Variants in SLC5A4 observed in about 807,000 individuals in gnomAD.
The protein encoded by SLC5A4 is probable glucose sensor protein SLC5A4.
SLC5A4 carries 55 observed loss-of-function variants against 70.3 expected under a neutral mutation model. The observed-to-expected ratio is 0.78, with a 90% CI of 0.63 to 0.98. The LOEUF is 0.98. Ranked by LOEUF, SLC5A4 falls within the 50% of genes least tolerant of loss-of-function variation. SLC5A4 has a pLI of 0.00. For missense variants in SLC5A4, 735 were observed against 839.2 expected (o/e 0.88, Z 1.53); for synonymous variants, 268 against 305.7 (o/e 0.88, Z 1.29).
chr22:32,310,197 G>C, the SLC5A4 span, among the ~76,000 whole-genome samples: 1 of 152,100 alleles, frequency 6.6e-6, no homozygotes, highest in Non-Finnish European at 1.5e-5. Flanking sequence ...GTCCAGGAGA[G>C]GGAGGCAAGG....
chr22:32,278,406 C>A, the SLC5A4 span, among the ~76,000 whole-genome samples: 7 of 152,110 alleles, frequency 4.6e-5, no homozygotes, highest in African/African-American at 1.7e-4. Flanking sequence ...TAAGCAAGGA[C>A]AAAATTCAAA....
chr22:32,278,972 A>G, the SLC5A4 span, among the ~76,000 whole-genome samples: 1 of 152,330 alleles, frequency 6.6e-6, no homozygotes, highest in African/African-American at 2.4e-5. Context: ...ATATCAACAT[A>G]TCATTTAAAA....
At chr22:32,331,951 A>C in the SLC5A4 span, among the ~76,000 whole-genome samples, 2 of 152,022 alleles carry the variant, frequency 1.3e-5, no homozygotes, top group Non-Finnish European at 2.9e-5. Flanking sequence ...ATCTGCCCCA[A>C]GGTCCCCATC....
intron 6 of SLC5A4, among the ~76,000 whole-genome samples, chr22:32,238,322 T>C (rs994005598): frequency 2.6e-5 from 4 of 152,128 alleles, no homozygotes; most frequent in African/African-American, 4.8e-5. Flanking sequence ...AACTCCTCAT[T>C]TTGGAGAGTT....
At chr22:32,332,873 G>A in the SLC5A4 span, among the ~76,000 whole-genome samples, 14 of 152,080 alleles carry the variant, frequency 9.2e-5, no homozygotes, top group African/African-American at 3.1e-4. Context: ...CCTTTTCATC[G>A]GCAGCCTCTG....
the SLC5A4 span, among the ~76,000 whole-genome samples, chr22:32,303,613 C>T: frequency 6.6e-6 from 1 of 152,150 alleles, no homozygotes; most frequent in East Asian, 1.9e-4. Context: ...TCTGTTTCCT[C>T]CATGTCTTTT....
At chr22:32,238,214 G>C (rs1926176355) in intron 6 of SLC5A4, among the ~76,000 whole-genome samples, 1 of 151,446 alleles carries the variant, frequency 6.6e-6, no homozygotes, top group South Asian at 2.1e-4. Flanking sequence ...CTCCCTCTCT[G>C]TCTTTAAAAG....
intron 5 of SLC5A4, among the ~76,000 whole-genome samples, chr22:32,243,958 C>T (rs941278251): frequency 6.6e-6 from 1 of 152,172 alleles, no homozygotes; most frequent in Non-Finnish European, 1.5e-5. Flanking sequence ...CACTGCACTC[C>T]AGCCTGGAAG....
the SLC5A4 span, among the ~76,000 whole-genome samples, chr22:32,333,819 A>G: frequency 6.6e-6 from 1 of 150,862 alleles, no homozygotes; most frequent in African/African-American, 2.4e-5. Flanking sequence ...AATATCACAC[A>G]CACACACCAC....
At chr22:32,304,194 T>C in the SLC5A4 span, among the ~76,000 whole-genome samples, 2 of 152,186 alleles carry the variant, frequency 1.3e-5, no homozygotes, top group African/African-American at 4.8e-5. Flanking sequence ...TGGTGCAATC[T>C]CAGCCTACTG....
chr22:32,227,891 C>T (rs895502525), intron 11 of SLC5A4, among the ~76,000 whole-genome samples: 6 of 150,702 alleles, frequency 4.0e-5, no homozygotes, highest in Admixed American at 6.6e-5. Flanking sequence ...CGCTTGAACT[C>T]GGGAGGCAGA....
chr22:32,314,916 A>C, the SLC5A4 span, among the ~76,000 whole-genome samples: 1 of 152,184 alleles, frequency 6.6e-6, no homozygotes, highest in Non-Finnish European at 1.5e-5. Context: ...ACTTGCCCCC[A>C]TGATTCAATT....
At chr22:32,289,825 T>C in the SLC5A4 span, among the ~76,000 whole-genome samples, 1,336 of 152,358 alleles carry the variant, frequency 8.8e-3, 14 homozygotes, top group South Asian at 0.023. Flanking sequence ...GATTCTGTCT[T>C]ATTGTCTTTT....
At chr22:32,334,380 G>T in the SLC5A4 span, among the ~76,000 whole-genome samples, 1 of 152,006 alleles carries the variant, frequency 6.6e-6, no homozygotes, top group African/African-American at 2.4e-5. Flanking sequence ...TCAGACCCTC[G>T]AGTTGTCCTC....
chr22:32,290,467 C>T, the SLC5A4 span, among the ~76,000 whole-genome samples: 1 of 152,132 alleles, frequency 6.6e-6, no homozygotes, highest in East Asian at 1.9e-4. Context: ...TACTACAGGA[C>T]TCTTTAAATT....
chr22:32,343,350 C>T, the SLC5A4 span, among the ~76,000 whole-genome samples: 1 of 152,232 alleles, frequency 6.6e-6, no homozygotes. Flanking sequence ...GACATATCTC[C>T]TTGCCTTTTT....
chr22:32,231,154 A>G (rs1302038809), intron 9 of SLC5A4, 79 bp from the exon 10 acceptor site: 11 of 837,220 alleles, frequency 1.3e-5, no homozygotes, highest in Non-Finnish European at 2.3e-5. Context: ...AGAAAAGTTG[A>G]AAGATCATAA....
At chr22:32,218,790 C>T in intron 14 of SLC5A4, 65 bp from the exon 15 acceptor site, 4 of 1,207,440 alleles carry the variant, frequency 3.3e-6, no homozygotes, top group Non-Finnish European at 4.9e-6. Flanking sequence ...AAATCCTTGT[C>T]AGTGTAGTAC....
At position 32,238,911 on chromosome 22, in the gene SLC5A4, G is replaced by A. The variant is rs1022341530; in HGVS notation, c.583+74C>T. On this transcript the variant is annotated intron_variant, in intron 6 of 14. Coordinates refer to ENST00000266086, the MANE Select transcript of SLC5A4 (RefSeq NM_014227.3). ...CCTCGGCAGTGACAAGGTTAACACT[G>A]AGAATGCTAATTGCAGGTTGGGGTG... The A allele has an allele frequency of 7.5e-5, 75 of 1,004,270 alleles. 2 individuals carry two copies. In the Middle Eastern group the frequency reaches 8.1e-4, roughly 11 times the overall value. 62.2% of individuals were successfully genotyped at this position (1,004,270 alleles called of 1,614,324 possible).
Sources: gnomAD v4.1 joint callset for allele counts (sites outside exome capture counted in the v4.1 genomes callset) on GRCh38, gnomAD v4.1.1 for gene constraint, MANE v1.5 for transcripts, NCBI Gene and HGNC (gene_info 2026-07-23, HGNC 2026-07-21) for gene names.